Variants in IGFL4 observed in about 807,000 individuals in gnomAD.
IGFL4 encodes the protein insulin growth factor-like family member 4.
In IGFL4, 12 loss-of-function variants were observed where a neutral mutation model predicts 15.4. The ratio of observed to expected loss-of-function variants is 0.78; its 90% CI spans 0.50 to 1.26. The LOEUF (loss-of-function observed/expected upper bound fraction) is 1.26, where lower values mean the gene tolerates loss of function less well. Ranked by LOEUF, IGFL4 falls within the 50% of genes most tolerant of loss-of-function variation. The probability of loss-of-function intolerance (pLI) is 0.00; values close to 1 mark genes in which losing one functional copy is unlikely to be tolerated. For missense variants in IGFL4, 126 were observed against 147.8 expected (o/e 0.85, Z 0.76); for synonymous variants, 54 against 55.9 (o/e 0.97, Z 0.16).
chr19:46,045,926 T>C (rs931608598), upstream of IGFL4, among the ~76,000 whole-genome samples: 2 of 152,118 alleles, frequency 1.3e-5, no homozygotes, highest in African/African-American at 4.8e-5. Context: ...CCCAGTGAGA[T>C]ACTCCATAAG....
intron 1 of IGFL4, among the ~76,000 whole-genome samples, chr19:46,070,522 T>G (rs1191002185): frequency 1.3e-5 from 2 of 151,780 alleles, no homozygotes; most frequent in African/African-American, 4.8e-5. Flanking sequence ...TTATTTCTGG[T>G]GGTGTTACTA....
At chr19:46,046,551 G>A (rs1234833588) in intron 2 of IGFL4, among the ~76,000 whole-genome samples, 1 of 152,142 alleles carries the variant, frequency 6.6e-6, no homozygotes, top group East Asian at 1.9e-4. Flanking sequence ...CAAAATAAAG[G>A]GATGGAGGAG....
upstream of IGFL4, among the ~76,000 whole-genome samples, chr19:46,041,583 C>A (rs1025409510): frequency 6.6e-6 from 1 of 151,086 alleles, no homozygotes; most frequent in African/African-American, 2.4e-5. Flanking sequence ...GATAGGAAAG[C>A]AGCACCTTTT....
Position 46,039,823 on chromosome 19 carries a change from A to G in IGFL4, c.*69T>C. On this transcript the variant is annotated 3_prime_UTR_variant, in exon 4 of 4. Coordinates refer to ENST00000377697, the MANE Select transcript of IGFL4 (RefSeq NM_001002923.3). ...TGAAACTCTGTCACAACAACAACAAAATCAATGCAGTATAATTACCAAGTA... is the reference window on the plus strand; with the variant it reads ...TGAAACTCTGTCACAACAACAACAAGATCAATGCAGTATAATTACCAAGTA... 7.4e-7 allele frequency: 1 copy of G among 1,346,140 alleles called. No homozygotes were observed. Among genetic ancestry groups the G allele is most frequent in the East Asian group, 2.3e-5 (1 of 43,536 alleles). 83.4% of individuals were successfully genotyped at this position (1,346,140 alleles called of 1,614,324 possible). A position where few individuals can be genotyped will look rare whatever the true frequency, so the allele number is the denominator to read the frequency against.
upstream of IGFL4, among the ~76,000 whole-genome samples, chr19:46,044,094 G>C (rs1481565158): frequency 3.9e-5 from 6 of 152,154 alleles, no homozygotes; most frequent in Non-Finnish European, 1.5e-5. Context: ...GAGGTATGGG[G>C]ACTCCTGCCC....
intron 2 of IGFL4, among the ~76,000 whole-genome samples, chr19:46,049,317 C>A (rs139764383): frequency 1.8e-4 from 27 of 152,326 alleles, no homozygotes; most frequent in Admixed American, 3.9e-4. Flanking sequence ...GTGGGACAAT[C>A]AAGAAACTGT....
intron 1 of IGFL4, among the ~76,000 whole-genome samples, chr19:46,062,358 C>T (rs1203862861): frequency 6.6e-6 from 1 of 152,176 alleles, no homozygotes; most frequent in South Asian, 2.1e-4. Context: ...CAGGATTGAA[C>T]CCAGGACACC....
At position 46,070,134 on chromosome 19, in the gene IGFL4, A is replaced by T. The variant is rs558344033; in HGVS notation, c.-432+6886T>A. On this transcript the variant is annotated intron_variant, in intron 1 of 5. Coordinates refer to the IGFL4 transcript ENST00000601672. ...ATGAAGCTCAAATACGAATTGAAGC[A>T]AATCTCTAAGATTTTTTTTTTTTTG... Among the ~76,000 whole-genome samples, 4 of 125,962 alleles carry T rather than the reference A, an allele frequency of 3.2e-5. No homozygotes were observed. In the South Asian group the frequency reaches 1.0e-3, roughly 33 times the overall value. The allele number at this position is 125,962 out of a possible 152,430, so 82.6% of individuals were successfully genotyped here.
rs1969229320 is a variant in IGFL4, at chr19:46,040,424, A to G, written c.71-8T>C. The G allele has an allele frequency of 6.2e-7, 1 of 1,613,802 alleles. No individual in the cohort carries two copies. Among genetic ancestry groups the G allele is most frequent in the African/African-American group, 1.3e-5 (1 of 75,032 alleles). ...ATAGCCACAGTCTAAGATCTGGAAG[A>G]GTCGGGGCTGGATGGGCTGCAAGGA... On this transcript the variant is annotated splice_region_variant and splice_polypyrimidine_tract_variant and intron_variant, in intron 2 of 3. Coordinates refer to ENST00000377697, the MANE Select transcript of IGFL4 (RefSeq NM_001002923.3). This position sits in a 1 kb window ranked among gnomAD's most constrained non-coding sequence, Gnocchi z 4.1.
intron 1 of IGFL4, among the ~76,000 whole-genome samples, chr19:46,064,757 A>G (rs1380673944): frequency 6.6e-6 from 1 of 152,238 alleles, no homozygotes; most frequent in Non-Finnish European, 1.5e-5. Context: ...TACAACAAAT[A>G]TGGAAGTGCA....
upstream of IGFL4, among the ~76,000 whole-genome samples, chr19:46,042,853 C>T (rs904892488): frequency 8.5e-5 from 13 of 152,196 alleles, no homozygotes; most frequent in South Asian, 2.1e-4. Flanking sequence ...TGTGTCATGG[C>T]GGCCTCCCTT....
chr19:46,053,339 C>T (rs761697345), intron 2 of IGFL4, among the ~76,000 whole-genome samples: 20 of 152,190 alleles, frequency 1.3e-4, no homozygotes, highest in Non-Finnish European at 2.5e-4. Context: ...CTCATTCTCC[C>T]GAGTAGCTGG....
intron 2 of IGFL4, chr19:46,058,571 T>A (rs1043439412): frequency 3.3e-5 from 5 of 152,228 alleles, no homozygotes; most frequent in African/African-American, 1.2e-4. Flanking sequence ...AGCCCACATT[T>A]CCCTTCTTCA....
intron 2 of IGFL4, chr19:46,059,610 A>C (rs906682019): frequency 2.0e-5 from 3 of 152,204 alleles, no homozygotes; most frequent in Admixed American, 6.5e-5. Flanking sequence ...TTAGAATCTA[A>C]TAACAGGTGT....
chr19:46,073,976 C>T (rs970997361), intron 1 of IGFL4, among the ~76,000 whole-genome samples: 2 of 151,268 alleles, frequency 1.3e-5, no homozygotes, highest in African/African-American at 4.9e-5. Context: ...CTTAAAAAAT[C>T]AACATTTCTT....
At chr19:46,065,893 A>C (rs151187389) in intron 1 of IGFL4, among the ~76,000 whole-genome samples, 4 of 152,324 alleles carry the variant, frequency 2.6e-5, no homozygotes, top group Non-Finnish European at 4.4e-5. Context: ...GCCAGGAACC[A>C]GTTGCTAGGA....
chr19:46,057,705 AC>A (rs1969405859), intron 2 of IGFL4: 1 of 151,880 alleles, frequency 6.6e-6, no homozygotes, highest in East Asian at 1.9e-4. Context: ...TAATTGACTC[AC>A]AGTTTCACCT....
chr19:46,073,236 G>T (rs917924229), intron 1 of IGFL4, among the ~76,000 whole-genome samples: 4 of 152,088 alleles, frequency 2.6e-5, no homozygotes, highest in Non-Finnish European at 4.4e-5. Context: ...AAAATGGCAG[G>T]TTAAAAAGTA....
upstream of IGFL4, among the ~76,000 whole-genome samples, chr19:46,042,048 G>T (rs188395222): frequency 6.6e-5 from 6 of 91,466 alleles, no homozygotes; most frequent in Non-Finnish European, 1.1e-4. Context: ...ACAATGTTCT[G>T]GTCTTGGAAT....
Sources: allele counts gnomAD v4.1 joint callset (sites outside exome capture counted in the v4.1 genomes callset), GRCh38; gene constraint gnomAD v4.1.1; non-coding constraint Gnocchi (gnomAD v3.1); transcripts MANE v1.5; gene names NCBI Gene and HGNC (gene_info 2026-07-23, HGNC 2026-07-21).